The following FMN1 variants were observed in gnomAD, a reference collection of about 807,000 sequenced individuals.
FMN1 encodes the protein formin-1.
A neutral mutation model predicts 132.4 loss-of-function variants in FMN1; 110 were observed. The ratio of observed to expected loss-of-function variants is 0.83; its 90% CI spans 0.71 to 0.97. The LOEUF (loss-of-function observed/expected upper bound fraction) is 0.97. Among genes scored for constraint, FMN1 ranks in the 50% least tolerant of loss-of-function variants. The pLI, the probability that FMN1 is intolerant of heterozygous loss-of-function variation, is 0.00. For missense variants in FMN1, 1,792 were observed against 1,705.3 expected, an observed-to-expected ratio of 1.05 and a Z score of -0.90; for synonymous variants, 722 against 651.7, an observed-to-expected ratio of 1.11 and a Z score of -1.64.
At chr15:33,130,278 A>G (rs1255249116) in intron 4 of FMN1, among the ~76,000 whole-genome samples, 1 of 152,230 alleles carries the variant, frequency 6.6e-6, no homozygotes, top group Non-Finnish European at 1.5e-5. Flanking sequence ...TTGTGTTCAG[A>G]AGACTGTACA....
rs149599066 is a variant in FMN1, at chr15:32,885,758, C to T, written c.3835+2414G>A. Among the ~76,000 whole-genome samples, 944 of 151,860 alleles carry T rather than the reference C, an allele frequency of 6.2e-3. 12 individuals are homozygous for T. The highest frequency in any genetic ancestry group is 0.022 in the African/African-American group (899 of 41,400). ...ACTTAAATCAGTGACATTAGTATGA[C>T]CAATAACCATAGGTTAATTCACATT... On this transcript the variant is annotated intron_variant, in intron 16 of 20. Transcript: ENST00000616417.
intron 4 of FMN1, among the ~76,000 whole-genome samples, chr15:33,129,133 C>A (rs1458526166): frequency 6.6e-6 from 1 of 152,188 alleles, no homozygotes; most frequent in Non-Finnish European, 1.5e-5. Flanking sequence ...GCCCAGCTGG[C>A]TTCACCTCTC....
At chr15:33,037,018 T>C (rs2036222365) in intron 6 of FMN1, among the ~76,000 whole-genome samples, 1 of 152,268 alleles carries the variant, frequency 6.6e-6, no homozygotes, top group African/African-American at 2.4e-5. Flanking sequence ...TATTTCCTTT[T>C]GTTCTTTTTT....
chr15:33,067,863 G>C, intron 5 of FMN1: 1 of 1,611,768 alleles, frequency 6.2e-7, no homozygotes, highest in Non-Finnish European at 8.5e-7. Context: ...CTGCCATCCA[G>C]AGAATTATCA....
chr15:32,782,032 G>A (rs1033408145), intron 19 of FMN1, among the ~76,000 whole-genome samples: 5 of 152,128 alleles, frequency 3.3e-5, no homozygotes, highest in Non-Finnish European at 1.5e-5. Context: ...TACAGCTTAA[G>A]TGTCAAAGTC....
At chr15:33,067,364 G>A in intron 5 of FMN1, 1 of 1,613,976 alleles carries the variant, frequency 6.2e-7, no homozygotes, top group Non-Finnish European at 8.5e-7. Flanking sequence ...AGATGGCTCA[G>A]ATAAAACACC....
At chr15:33,129,995 A>G (rs1445168448) in intron 4 of FMN1, among the ~76,000 whole-genome samples, 1 of 152,002 alleles carries the variant, frequency 6.6e-6, no homozygotes, top group East Asian at 1.9e-4. Flanking sequence ...GGGTTTCACC[A>G]TGTTGGCCAG....
intron 9 of FMN1, among the ~76,000 whole-genome samples, chr15:32,931,351 C>T (rs1253600821): frequency 6.6e-6 from 1 of 152,112 alleles, no homozygotes; most frequent in Non-Finnish European, 1.5e-5. Flanking sequence ...TTATTTGTGT[C>T]TTCCTAAATT....
intron 7 of FMN1, among the ~76,000 whole-genome samples, chr15:32,994,234 A>T (rs62001485): frequency 0.18 from 5,715 of 31,350 alleles, 127 homozygotes; most frequent in Middle Eastern, 0.26. Context: ...TCTCTCTCTC[A>T]CACACACACA....
intron 16 of FMN1, among the ~76,000 whole-genome samples, chr15:32,866,927 T>C (rs1368673551): frequency 6.6e-6 from 1 of 152,200 alleles, no homozygotes; most frequent in Non-Finnish European, 1.5e-5. Context: ...CATCTTCCTA[T>C]ACAGAGTCAT....
intron 7 of FMN1, among the ~76,000 whole-genome samples, chr15:33,005,575 T>C (rs965080484): frequency 1.4e-4 from 22 of 152,206 alleles, no homozygotes; most frequent in Admixed American, 1.3e-3. Flanking sequence ...AATGAGATAA[T>C]GTGCTTAGAA....
At position 33,107,532 on chromosome 15, in the gene FMN1, CT is replaced by C. The variant is rs1595485656; in HGVS notation, c.1868-18559del. On this transcript the variant is annotated intron_variant, in intron 4 of 20. Transcript: ENST00000616417. ...ACTTCATTCCAGCCACCCTCACCTT[CT>C]TGCTGTTTTGTAATGACACCAACCT... Among the ~76,000 whole-genome samples, 3 of 152,258 alleles carry C rather than the reference CT, an allele frequency of 2.0e-5. No individual in the cohort carries two copies. The South Asian group carries it at 6.2e-4, about 31-fold the overall frequency.
At chr15:32,830,378 C>T (rs973941459) in intron 17 of FMN1, among the ~76,000 whole-genome samples, 8 of 152,160 alleles carry the variant, frequency 5.3e-5, no homozygotes, top group Non-Finnish European at 1.2e-4. Flanking sequence ...CTCCAGATCA[C>T]ATTTTTGGAG....
intron 17 of FMN1, among the ~76,000 whole-genome samples, chr15:32,849,473 T>A (rs4780046): frequency 0.75 from 113,960 of 151,544 alleles, 43,365 homozygotes; most frequent in Middle Eastern, 0.83. Context: ...ACTTTTTTTT[T>A]AAAAAAGATG....
intron 19 of FMN1, among the ~76,000 whole-genome samples, chr15:32,783,003 TG>T (rs5811706): frequency 1 from 152,011 of 152,014 alleles, 76,004 homozygotes; most frequent in Middle Eastern, 1. Context: ...GTGGGGAGAG[TG>T]GGGAAGACAG....
chr15:33,105,844 CAG>C (rs1365049665), intron 4 of FMN1: 1 of 151,952 alleles, frequency 6.6e-6, no homozygotes, highest in Non-Finnish European at 1.5e-5. Flanking sequence ...ACTCAAAGAA[CAG>C]GGTGCCTATG....
intron 6 of FMN1, among the ~76,000 whole-genome samples, chr15:33,044,528 A>G (rs2036587772): frequency 6.6e-6 from 1 of 152,154 alleles, no homozygotes; most frequent in African/African-American, 2.4e-5. Flanking sequence ...CTACCCACCA[A>G]AGGGTCTCCT....
At chr15:33,009,543 T>C (rs143876108) in intron 6 of FMN1, among the ~76,000 whole-genome samples, 1 of 152,218 alleles carries the variant, frequency 6.6e-6, no homozygotes, top group African/African-American at 2.4e-5. Flanking sequence ...CTTGTCAAAT[T>C]ATTTTCTATC....
At chr15:32,839,456 A>G (rs185159218) in intron 17 of FMN1, among the ~76,000 whole-genome samples, 2 of 152,058 alleles carry the variant, frequency 1.3e-5, no homozygotes, top group African/African-American at 2.4e-5. Context: ...ACTGGACTGT[A>G]AACAACTTGA....
Sources: allele counts gnomAD v4.1 joint callset (sites outside exome capture counted in the v4.1 genomes callset), GRCh38; gene constraint gnomAD v4.1.1; transcripts MANE v1.5; gene names NCBI Gene and HGNC (gene_info 2026-07-23, HGNC 2026-07-21).